The following SLC26A7 variants were observed in gnomAD, a reference collection of about 807,000 sequenced individuals.
The protein encoded by SLC26A7 is anion exchange transporter.
SLC26A7 carries 59 observed loss-of-function variants against 82.5 expected under a neutral mutation model. That is an observed-to-expected ratio of 0.72 (90% CI 0.58 to 0.89). The LOEUF is 0.89. SLC26A7 is among the 40% of genes least tolerant of loss of function. The pLI is 0.00. For missense variants in SLC26A7, 820 were observed against 793.0 expected (o/e 1.03, Z -0.41); for synonymous variants, 271 against 274.3 (o/e 0.99, Z 0.12).
intron 2 of SLC26A7, among the ~76,000 whole-genome samples, chr8:91,260,085 C>G (rs1810920034): frequency 6.6e-6 from 1 of 152,018 alleles, no homozygotes; most frequent in Non-Finnish European, 1.5e-5. Context: ...CTGTATTAGT[C>G]CATTTTAACA....
rs1192104192 is a variant in SLC26A7 at position 91,340,396 on chromosome 8, T to G, written c.879-8T>G. 2 of 1,613,140 alleles carry G rather than the reference T, an allele frequency of 1.2e-6. No homozygotes were observed. Among genetic ancestry groups the G allele is most frequent in the African/African-American group, 2.7e-5 (2 of 74,890 alleles). ...TTGATGACTTCAATATGGTCCTTCT[T>G]TCCACAGAATTCCCTCACCTAGAGC... On this transcript the variant is annotated splice_polypyrimidine_tract_variant and splice_region_variant and intron_variant, in intron 7 of 18. Coordinates refer to ENST00000276609, the MANE Select transcript of SLC26A7 (RefSeq NM_052832.4).
intron 2 of SLC26A7, among the ~76,000 whole-genome samples, chr8:91,269,378 A>G (rs1811205196): frequency 6.6e-6 from 1 of 152,044 alleles, no homozygotes; most frequent in Non-Finnish European, 1.5e-5. Context: ...TGGTATTCTT[A>G]GACATAGTGT....
chr8:91,228,106 C>G (rs1048101679), intron 2 of SLC26A7, among the ~76,000 whole-genome samples: 2 of 152,178 alleles, frequency 1.3e-5, no homozygotes, highest in African/African-American at 4.8e-5. Flanking sequence ...CATAGAGCAG[C>G]CATGGCACAC....
intron 2 of SLC26A7, among the ~76,000 whole-genome samples, chr8:91,254,765 C>A (rs1342690978): frequency 3.9e-5 from 6 of 152,012 alleles, no homozygotes; most frequent in African/African-American, 9.7e-5. Context: ...TCCTAGAAAC[C>A]ACTTGTATTT....
chr8:91,259,319 GT>G (rs1359135730), intron 2 of SLC26A7, among the ~76,000 whole-genome samples: 1 of 151,940 alleles, frequency 6.6e-6, no homozygotes, highest in African/African-American at 2.4e-5. Context: ...CCACACTCCT[GT>G]TCTTTTGTAC....
At chr8:91,362,829 A>G (rs1398992694) in intron 12 of SLC26A7, among the ~76,000 whole-genome samples, 1 of 152,110 alleles carries the variant, frequency 6.6e-6, no homozygotes, top group Non-Finnish European at 1.5e-5. Context: ...AGAAAATTAA[A>G]TAACTTCAGA....
chr8:91,366,808 C>A, intron 14 of SLC26A7, 91 bp downstream of exon 14: 1 of 1,403,218 alleles, frequency 7.1e-7, no homozygotes, highest in Non-Finnish European at 9.6e-7. Flanking sequence ...TAATACATCA[C>A]ACGAGTATTT....
At position 91,397,138 on chromosome 8, in the gene SLC26A7, A is replaced by G. The variant is rs539882537; in HGVS notation, c.*2041A>G. ...TTTAGTGGATAAAACTTTAAGTCCA[A>G]TAACTTGGGGGTCAAATGCTAATGT... On this transcript the variant is annotated 3_prime_UTR_variant, in exon 19 of 19. Coordinates refer to ENST00000276609, the MANE Select transcript of SLC26A7 (RefSeq NM_052832.4). 3 of 152,176 alleles carry G rather than the reference A, an allele frequency of 2.0e-5. No individual in the cohort carries two copies. The highest frequency in any genetic ancestry group is 2.1e-4 in the South Asian group (1 of 4,828). 9.4% of individuals were successfully genotyped at this position (152,176 alleles called of 1,614,324 possible). A position where few individuals can be genotyped will look rare whatever the true frequency, so the allele number is the denominator to read the frequency against.
At chr8:91,211,616 A>ATATATATT (rs1554597817) in intron 1 of SLC26A7, among the ~76,000 whole-genome samples, 1 of 137,530 alleles carries the variant, frequency 7.3e-6, no homozygotes, top group East Asian at 2.0e-4. Flanking sequence ...ATATATATAT[A>ATATATATT]TTTTTTTTTT....
intron 4 of SLC26A7, among the ~76,000 whole-genome samples, chr8:91,310,614 G>T (rs1052063125): frequency 6.6e-6 from 1 of 152,174 alleles, no homozygotes; most frequent in African/African-American, 2.4e-5. Flanking sequence ...GCTCAAGAAC[G>T]CGTATTAAGG....
chr8:91,292,550 CTT>C (rs1315504570), intron 3 of SLC26A7, among the ~76,000 whole-genome samples: 2 of 152,004 alleles, frequency 1.3e-5, no homozygotes, highest in Non-Finnish European at 2.9e-5. Context: ...AGAAAAATTA[CTT>C]TATTTGGGAT....
intron 11 of SLC26A7, among the ~76,000 whole-genome samples, chr8:91,356,538 T>A (rs538464501): frequency 6.6e-6 from 1 of 152,250 alleles, no homozygotes; most frequent in Non-Finnish European, 1.5e-5. Context: ...TTTTGAGAAA[T>A]GTCTGTTCAT....
intron 5 of SLC26A7, among the ~76,000 whole-genome samples, chr8:91,326,393 G>A (rs772830243): frequency 2.0e-5 from 3 of 152,016 alleles, no homozygotes; most frequent in Admixed American, 6.6e-5. Context: ...AGGCCTCCCC[G>A]CTTGGCTTGC....
intron 4 of SLC26A7, among the ~76,000 whole-genome samples, chr8:91,306,733 A>G (rs1439170115): frequency 1.3e-5 from 2 of 151,300 alleles, no homozygotes; most frequent in African/African-American, 4.9e-5. Flanking sequence ...TTTTTGAGAC[A>G]GAGTCTCACT....
chr8:91,323,049 C>A (rs1283652336), intron 5 of SLC26A7, among the ~76,000 whole-genome samples: 1 of 152,092 alleles, frequency 6.6e-6, no homozygotes, highest in Admixed American at 6.6e-5. Flanking sequence ...GGGGTTTATA[C>A]GTGGAGAACA....
intron 4 of SLC26A7, among the ~76,000 whole-genome samples, chr8:91,317,745 A>ATGC (rs1263328804): frequency 6.6e-6 from 1 of 152,048 alleles, no homozygotes; most frequent in Non-Finnish European, 1.5e-5. Context: ...TAAATTACAG[A>ATGC]TATAGCAAGG....
chr8:91,357,976 A>G, intron 11 of SLC26A7, among the ~76,000 whole-genome samples: 1 of 152,258 alleles, frequency 6.6e-6, no homozygotes, highest in Non-Finnish European at 1.5e-5. Flanking sequence ...TCTCAAAAGA[A>G]GACATTTATG....
At position 91,396,012 on chromosome 8, in the gene SLC26A7, T is replaced by C. The variant is rs1808561480; in HGVS notation, c.*915T>C. On this transcript the variant is annotated 3_prime_UTR_variant, in exon 19 of 19. Coordinates refer to ENST00000276609, the MANE Select transcript of SLC26A7 (RefSeq NM_052832.4). Reference sequence around the variant, plus strand: ...TATTTCAGAGATAGTCAATATAATATGTTTATCTATATCCATATGGATGGA... The same window carrying C: ...TATTTCAGAGATAGTCAATATAATACGTTTATCTATATCCATATGGATGGA... 6.6e-6 allele frequency: 1 copy of C among 152,082 alleles called. No individual in the cohort carries two copies. Among genetic ancestry groups the C allele is most frequent in the East Asian group, 1.9e-4 (1 of 5,192 alleles). 9.4% of individuals were successfully genotyped at this position (152,082 alleles called of 1,614,324 possible).
intron 5 of SLC26A7, among the ~76,000 whole-genome samples, chr8:91,332,290 G>T (rs1359190826): frequency 1.5e-5 from 2 of 132,532 alleles, no homozygotes; most frequent in Non-Finnish European, 1.6e-5. Flanking sequence ...AATTATAAAT[G>T]TATAATTATA....
Sources: gnomAD v4.1 joint callset for allele counts (sites outside exome capture counted in the v4.1 genomes callset) on GRCh38, gnomAD v4.1.1 for gene constraint, MANE v1.5 for transcripts, NCBI Gene and HGNC (gene_info 2026-07-23, HGNC 2026-07-21) for gene names.